Variants in TMEM52B observed in about 807,000 individuals in gnomAD.
TMEM52B encodes chromosome 12 open reading frame 59.
In TMEM52B, 11 loss-of-function variants were observed where a neutral mutation model predicts 16.1. The ratio of observed to expected loss-of-function variants is 0.68; its 90% CI spans 0.43 to 1.13. The LOEUF (loss-of-function observed/expected upper bound fraction) is 1.13, where lower values mean the gene tolerates loss of function less well. TMEM52B is among the 50% of genes most tolerant of loss of function. The probability of loss-of-function intolerance (pLI) is 0.00; values close to 1 mark genes in which losing one functional copy is unlikely to be tolerated. For missense variants in TMEM52B, 243 were observed against 230.4 expected (o/e 1.05, Z -0.35); for synonymous variants, 101 against 93.8 (o/e 1.08, Z -0.45).
intron 2 of TMEM52B, among the ~76,000 whole-genome samples, chr12:10,184,838 A>AT (rs36048805): frequency 0.1 from 15,130 of 148,870 alleles, 1,529 homozygotes; most frequent in East Asian, 0.46. Flanking sequence ...CTTTCTTAGT[A>AT]TTTTTTTTTT....
intron 1 of TMEM52B, chr12:10,172,003 T>C: frequency 6.2e-7 from 1 of 1,611,760 alleles, no homozygotes; most frequent in African/African-American, 1.3e-5. Context: ...CCCTAGTACC[T>C]TTAGCTTTTT....
chr12:10,181,280 C>A (rs981844526), intron 1 of TMEM52B, among the ~76,000 whole-genome samples: 20 of 152,004 alleles, frequency 1.3e-4, no homozygotes, highest in Non-Finnish European at 2.6e-4. Flanking sequence ...CAACACATAT[C>A]TATGATAGAG....
chr12:10,182,717 A>G, intron 2 of TMEM52B, 124 bp downstream of exon 2: 1 of 1,020,746 alleles, frequency 9.8e-7, no homozygotes, highest in Non-Finnish European at 1.3e-6. Flanking sequence ...TAAGTAATAG[A>G]TCTCATAGAT....
At chr12:10,183,258 T>A (rs1948843671) in intron 2 of TMEM52B, among the ~76,000 whole-genome samples, 1 of 152,222 alleles carries the variant, frequency 6.6e-6, no homozygotes, top group Non-Finnish European at 1.5e-5. Flanking sequence ...TAGCCAGGTC[T>A]GTTAAACCCA....
At chr12:10,188,364 C>G (rs1948905671) in intron 4 of TMEM52B, among the ~76,000 whole-genome samples, 1 of 151,526 alleles carries the variant, frequency 6.6e-6, no homozygotes, top group Non-Finnish European at 1.5e-5. Context: ...GAGGCTGAGG[C>G]ACGAGAATCA....
chr12:10,180,275 GT>G (rs3053815), intron 1 of TMEM52B, among the ~76,000 whole-genome samples: 16,978 of 142,926 alleles, frequency 0.12, 1,339 homozygotes, highest in African/African-American at 0.22. Context: ...TGTATGGTTT[GT>G]TTTTTTTTTT....
upstream of TMEM52B, among the ~76,000 whole-genome samples, chr12:10,178,179 G>A (rs988361667): frequency 1.3e-5 from 2 of 151,672 alleles, no homozygotes; most frequent in Non-Finnish European, 2.9e-5. Context: ...ACAGGCATGA[G>A]CCATGGCACC....
intron 1 of TMEM52B, chr12:10,182,112 A>C: frequency 1.0e-6 from 1 of 983,070 alleles, no homozygotes; most frequent in Non-Finnish European, 1.2e-6. Context: ...TCTCTGTCCC[A>C]CTGGCCCCCT....
upstream of TMEM52B, among the ~76,000 whole-genome samples, chr12:10,178,520 C>T (rs1442043944): frequency 2.4e-5 from 2 of 81,890 alleles, no homozygotes; most frequent in African/African-American, 4.5e-5. Context: ...AAGACTCCGT[C>T]TCAAAAAAAA....
chr12:10,190,444 A>G lies in TMEM52B; in HGVS notation c.*304A>G. 1 of 328,576 alleles carries G rather than the reference A, an allele frequency of 3.0e-6. No homozygotes were observed. The highest frequency in any genetic ancestry group is 5.9e-6 in the Non-Finnish European group (1 of 170,714). 20.4% of individuals were successfully genotyped at this position (328,576 alleles called of 1,614,324 possible). Reference sequence around the variant, plus strand: ...ATTCCTTTAACTATTGAGTGCATATAGAATTCCTGTACCCACATGATACTG... The same window carrying G: ...ATTCCTTTAACTATTGAGTGCATATGGAATTCCTGTACCCACATGATACTG... On this transcript the variant is annotated 3_prime_UTR_variant, in exon 5 of 5. Transcript: ENST00000543484.
chr12:10,187,374 A>T (rs555451762), intron 4 of TMEM52B, among the ~76,000 whole-genome samples: 1 of 151,358 alleles, frequency 6.6e-6, no homozygotes, highest in South Asian at 2.1e-4. Context: ...GGCTGGGATT[A>T]CAGGCGTGAG....
Position 10,182,577 on chromosome 12 carries a change from T to C in TMEM52B, c.82T>C (p.Cys28Arg). Residue 28 changes from cysteine (C) to arginine (R), a missense_variant, in exon 2 of 5, where the codon TGT (cysteine) becomes CGT (arginine). By Grantham distance (180) the Cys-to-Arg change is radical. Coordinates refer to ENST00000543484, the MANE Select transcript of TMEM52B (RefSeq NM_001384896.1). The part of the protein sequence containing the change: ...LLSGTRCEEN[C>R]GNPEHCLTTD... ...TTCTGGGACGAGATGTGAGGAAAAC[T>C]GTGGTAATCCTGAACAGTAAGTATA... 6.5e-7 allele frequency: 1 copy of C among 1,535,486 alleles called. No homozygotes were observed. The highest frequency in any genetic ancestry group is 8.7e-7 in the Non-Finnish European group (1 of 1,146,486).
chr12:10,187,257 A>G (rs1948891842), intron 4 of TMEM52B, among the ~76,000 whole-genome samples: 1 of 151,220 alleles, frequency 6.6e-6, no homozygotes, highest in Admixed American at 6.6e-5. Context: ...CACCTGCACC[A>G]TGCCTGGCTA....
intron 4 of TMEM52B, among the ~76,000 whole-genome samples, chr12:10,188,965 C>T (rs1181399573): frequency 2.3e-5 from 3 of 132,086 alleles, no homozygotes; most frequent in African/African-American, 5.8e-5. Flanking sequence ...TGCAGTGAGC[C>T]GAGATCGCGC....
upstream of TMEM52B, among the ~76,000 whole-genome samples, chr12:10,178,203 G>T (rs7958778): frequency 0.55 from 82,439 of 150,926 alleles, 23,210 homozygotes; most frequent in Middle Eastern, 0.71. Context: ...CCACATTTGT[G>T]TCTATAGCTT....
intron 1 of TMEM52B, among the ~76,000 whole-genome samples, chr12:10,171,659 G>C (rs1302662036): frequency 1.3e-5 from 2 of 152,122 alleles, no homozygotes; most frequent in African/African-American, 4.8e-5. Flanking sequence ...CCGTGAAACT[G>C]GATGATGTTG....
At chr12:10,177,178 T>A (rs545549132), upstream of TMEM52B, among the ~76,000 whole-genome samples, 1 of 152,292 alleles carries the variant, frequency 6.6e-6, no homozygotes, top group South Asian at 2.1e-4. Context: ...ATAAAATACC[T>A]TCCACCTTGC....
Position 10,190,146 on chromosome 12 carries a change from G to A in TMEM52B, c.*6G>A. 3 of 1,614,056 alleles carry A rather than the reference G, an allele frequency of 1.9e-6. No homozygotes were observed. Among genetic ancestry groups the A allele is most frequent in the Non-Finnish European group, 2.5e-6 (3 of 1,179,982 alleles). The stretch of plus-strand genomic sequence containing the variant: ...TAGTTGACTCTTGGAACTGATGAGA[G>A]CTGTCATTTTATAAATAGGAGTGGA... On this transcript the variant is annotated 3_prime_UTR_variant, in exon 5 of 5. Transcript: ENST00000543484.
intron 4 of TMEM52B, among the ~76,000 whole-genome samples, chr12:10,186,948 A>G (rs559895001): frequency 6.6e-6 from 1 of 152,220 alleles, no homozygotes; most frequent in South Asian, 2.1e-4. Flanking sequence ...TCTATTATCT[A>G]TACTATTTTA....
Sources: gnomAD v4.1 joint callset for allele counts (sites outside exome capture counted in the v4.1 genomes callset) on GRCh38, gnomAD v4.1.1 for gene constraint, MANE v1.5 for transcripts, NCBI Gene and HGNC (gene_info 2026-07-23, HGNC 2026-07-21) for gene names.